Variants in FOXP1 observed in about 807,000 individuals in gnomAD.
FOXP1 encodes forkhead box P1.
FOXP1 carries 15 observed loss-of-function variants against 98.2 expected under a neutral mutation model. The observed-to-expected ratio is 0.15, with a 90% confidence interval of 0.10 to 0.24. The LOEUF (loss-of-function observed/expected upper bound fraction) is 0.24. Among genes scored for constraint, FOXP1 ranks in the 10% least tolerant of loss-of-function variants. The pLI is 1.00. For missense variants in FOXP1, 633 were observed against 848.5 expected, an observed-to-expected ratio of 0.75 and a Z score of 3.15; for synonymous variants, 371 against 314.5, an observed-to-expected ratio of 1.18 and a Z score of -1.90.
intron 4 of FOXP1, among the ~76,000 whole-genome samples, chr3:71,320,579 T>C (rs1168524524): frequency 6.6e-6 from 1 of 152,178 alleles, no homozygotes; most frequent in African/African-American, 2.4e-5. Flanking sequence ...CTATTCCCTT[T>C]GTACACAGTA....
intron 7 of FOXP1, among the ~76,000 whole-genome samples, chr3:71,066,681 T>C (rs948746836): frequency 6.6e-6 from 1 of 152,244 alleles, no homozygotes; most frequent in Non-Finnish European, 1.5e-5. Context: ...GACTTTCTTT[T>C]TCCCAAAGTA....
intron 12 of FOXP1, among the ~76,000 whole-genome samples, chr3:71,012,090 C>G (rs1408826611): frequency 1.3e-5 from 2 of 152,106 alleles, no homozygotes; most frequent in African/African-American, 4.8e-5. Flanking sequence ...TGTCATTTCC[C>G]TTTCTGACTC....
At chr3:71,521,253 CG>C in intron 2 of FOXP1, among the ~76,000 whole-genome samples, 1 of 152,214 alleles carries the variant, frequency 6.6e-6, no homozygotes, top group South Asian at 2.1e-4. Flanking sequence ...GCCAGGAGGC[CG>C]GGCGTGGTGG....
At chr3:71,007,347 T>C (rs551675190) in intron 12 of FOXP1, among the ~76,000 whole-genome samples, 2 of 152,320 alleles carry the variant, frequency 1.3e-5, no homozygotes, top group East Asian at 1.9e-4. Flanking sequence ...TCCCTCTACA[T>C]GGCTGAAGTC....
intron 3 of FOXP1, among the ~76,000 whole-genome samples, chr3:71,427,360 G>A (rs1266225619): frequency 6.6e-6 from 1 of 152,208 alleles, no homozygotes; most frequent in African/African-American, 2.4e-5. Flanking sequence ...GCAGGAGAGT[G>A]TCAGTGATAT....
chr3:71,546,965 G>C (rs944563040), intron 2 of FOXP1, among the ~76,000 whole-genome samples: 3 of 152,176 alleles, frequency 2.0e-5, no homozygotes, highest in Admixed American at 6.5e-5. Flanking sequence ...GAGACACAGA[G>C]AGGAAGAGAG....
At position 71,000,794 on chromosome 3, in the gene FOXP1, AAAAATAAAAT is replaced by A. The variant is rs59993750; in HGVS notation, c.1062+168_1062+177del. Among the ~76,000 whole-genome samples the A allele has an allele frequency of 1.4e-3, 173 of 122,164 alleles. 1 individual carries two copies. Among genetic ancestry groups the A allele is most frequent in the Middle Eastern group, 7.8e-3 (2 of 256 alleles). 80.1% of individuals were successfully genotyped at this position (122,164 alleles called of 152,430 possible). A position where few individuals can be genotyped will look rare whatever the true frequency, so the allele number is the denominator to read the frequency against. On this transcript the variant is annotated intron_variant, in intron 13 of 20. Coordinates refer to ENST00000649528, the MANE Select transcript of FOXP1 (RefSeq NM_001349338.3). ...GGGGCTGAACCTGCCCAAAGAGGTA[AAAAATAAAAT>A]AAAATAAAATAAAATAAAATAAAAT...
chr3:71,421,743 G>A (rs572888566), intron 3 of FOXP1, among the ~76,000 whole-genome samples: 2 of 152,276 alleles, frequency 1.3e-5, no homozygotes, highest in East Asian at 3.9e-4. Context: ...GTGGGATGAT[G>A]TCACCAAGCC....
At chr3:71,062,057 G>A (rs1004678748) in intron 7 of FOXP1, among the ~76,000 whole-genome samples, 2 of 152,198 alleles carry the variant, frequency 1.3e-5, no homozygotes, top group Non-Finnish European at 2.9e-5. Context: ...TCATAAAAGA[G>A]TTTATCTTTC....
At chr3:71,304,176 C>A (rs915847534) in intron 4 of FOXP1, among the ~76,000 whole-genome samples, 2 of 152,140 alleles carry the variant, frequency 1.3e-5, no homozygotes, top group Admixed American at 1.3e-4. Flanking sequence ...GTGCAGTAAA[C>A]CCCAGTCGAT....
intron 3 of FOXP1, among the ~76,000 whole-genome samples, chr3:71,368,804 C>A (rs568579106): frequency 8.7e-4 from 132 of 152,290 alleles, no homozygotes; most frequent in Non-Finnish European, 1.4e-3. Context: ...AGGTCAACTG[C>A]ACTCCCTGTT....
rs886058844 is a variant in FOXP1, at chr3:70,957,941, C to T, written c.*1306G>A. The T allele has an allele frequency of 5.3e-5, 13 of 243,896 alleles. No individual in the cohort carries two copies. Among genetic ancestry groups the T allele is most frequent in the Non-Finnish European group, 8.8e-5 (11 of 124,520 alleles). The allele number at this position is 243,896 out of a possible 1,614,324, so 15.1% of individuals were successfully genotyped here. A position where few individuals can be genotyped will look rare whatever the true frequency, so the allele number is the denominator to read the frequency against. ...GGTCTGAACTAATGTATAAACTCAG[C>T]GCCGCCGCCGCCACCCCTACTTTCA... On this transcript the variant is annotated 3_prime_UTR_variant, in exon 21 of 21. Coordinates refer to ENST00000649528, the MANE Select transcript of FOXP1 (RefSeq NM_001349338.3).
intron 3 of FOXP1, among the ~76,000 whole-genome samples, chr3:71,385,128 A>T (rs1335898776): frequency 6.6e-6 from 1 of 151,976 alleles, no homozygotes; most frequent in Non-Finnish European, 1.5e-5. Context: ...AAAAATCCTA[A>T]CTGCAATCCT....
intron 2 of FOXP1, among the ~76,000 whole-genome samples, chr3:71,546,848 C>T (rs1162737690): frequency 6.6e-6 from 1 of 152,196 alleles, no homozygotes; most frequent in South Asian, 2.1e-4. Flanking sequence ...GAGGCAAGCG[C>T]TGGCTTGTTG....
At chr3:71,047,531 C>G (rs1305169966) in intron 9 of FOXP1, among the ~76,000 whole-genome samples, 2 of 152,216 alleles carry the variant, frequency 1.3e-5, no homozygotes, top group East Asian at 1.9e-4. Context: ...TTTAACTACT[C>G]TGTTTATCAC....
chr3:71,477,844 G>C (rs528497111), intron 3 of FOXP1, among the ~76,000 whole-genome samples: 1 of 152,254 alleles, frequency 6.6e-6, no homozygotes, highest in African/African-American at 2.4e-5. Flanking sequence ...TAGATCTTCA[G>C]AATGAAATTT....
intron 3 of FOXP1, among the ~76,000 whole-genome samples, chr3:71,487,971 A>G (rs1402379215): frequency 1.3e-5 from 2 of 151,780 alleles, no homozygotes; most frequent in Admixed American, 6.6e-5. Context: ...AATTTAACAG[A>G]TTTTTTTTTA....
At chr3:71,440,631 G>A (rs961674814) in intron 3 of FOXP1, among the ~76,000 whole-genome samples, 2 of 151,904 alleles carry the variant, frequency 1.3e-5, no homozygotes, top group Non-Finnish European at 2.9e-5. Flanking sequence ...GGAAGGCAGA[G>A]GTTGCAGTGA....
intron 20 of FOXP1, among the ~76,000 whole-genome samples, chr3:70,962,826 C>T (rs189415707): frequency 6.6e-6 from 1 of 152,270 alleles, no homozygotes; most frequent in Admixed American, 6.5e-5. Flanking sequence ...TAGAACCATC[C>T]ATCTCCATCT....
Sources: allele counts gnomAD v4.1 joint callset (sites outside exome capture counted in the v4.1 genomes callset), GRCh38; gene constraint gnomAD v4.1.1; transcripts MANE v1.5; gene names NCBI Gene and HGNC (gene_info 2026-07-23, HGNC 2026-07-21).